Variants in VIPR2 observed in about 807,000 individuals in gnomAD.
VIPR2 encodes vasoactive intestinal peptide receptor 2.
Under a neutral mutation model 58.0 loss-of-function variants are expected in VIPR2, and 48 were observed. That is an observed-to-expected ratio of 0.83 (90% CI 0.66 to 1.05). The LOEUF is 1.05. VIPR2 is among the 50% of genes least tolerant of loss of function. The probability of loss-of-function intolerance (pLI) is 0.00; values close to 1 mark genes in which losing one functional copy is unlikely to be tolerated. For missense variants in VIPR2, 534 were observed against 558.0 expected (o/e 0.96, Z 0.43); for synonymous variants, 243 against 235.2 (o/e 1.03, Z -0.30).
intron 4 of VIPR2, among the ~76,000 whole-genome samples, chr7:159,088,136 G>T (rs999819571): frequency 6.6e-6 from 1 of 152,204 alleles, no homozygotes; most frequent in African/African-American, 2.4e-5. Flanking sequence ...AGTCAAGAAT[G>T]GTTCTTCCTC....
intron 7 of VIPR2, 127 bp from the exon 8 acceptor site, chr7:159,036,139 T>A: frequency 8.7e-7 from 1 of 1,147,010 alleles, no homozygotes; most frequent in Non-Finnish European, 1.2e-6. Context: ...ATCTCTTGTT[T>A]AAAGTCTTTG....
At chr7:159,120,623 G>A (rs1439391652) in intron 2 of VIPR2, among the ~76,000 whole-genome samples, 1 of 152,148 alleles carries the variant, frequency 6.6e-6, no homozygotes, top group Non-Finnish European at 1.5e-5. Context: ...AACATGTTCC[G>A]ACACAACACA....
At chr7:159,033,463 C>T (rs186999800) in intron 10 of VIPR2, among the ~76,000 whole-genome samples, 32 of 152,244 alleles carry the variant, frequency 2.1e-4, no homozygotes, top group African/African-American at 7.5e-4. Context: ...TTAGTTTATA[C>T]TTGAATTTTG....
chr7:159,064,413 G>A (rs563257576), intron 4 of VIPR2, among the ~76,000 whole-genome samples: 1 of 152,260 alleles, frequency 6.6e-6, no homozygotes, highest in African/African-American at 2.4e-5. Flanking sequence ...TGGAGACGGA[G>A]TGGAATTGGC....
At chr7:159,123,065 C>T (rs113725012) in intron 2 of VIPR2, among the ~76,000 whole-genome samples, 5 of 151,980 alleles carry the variant, frequency 3.3e-5, no homozygotes, top group Non-Finnish European at 5.9e-5. Flanking sequence ...GAGGCCGAGG[C>T]GGGCAGATCA....
chr7:159,138,771 C>T (rs955543295), intron 2 of VIPR2, among the ~76,000 whole-genome samples: 6 of 152,224 alleles, frequency 3.9e-5, no homozygotes, highest in Non-Finnish European at 7.3e-5. Context: ...TTGGGGCTGG[C>T]AGCAGTGAAG....
intron 2 of VIPR2, among the ~76,000 whole-genome samples, chr7:159,139,320 A>G (rs920270206): frequency 4.6e-5 from 7 of 152,104 alleles, no homozygotes; most frequent in African/African-American, 1.7e-4. Flanking sequence ...CAGCTACAAC[A>G]CAAATGCACT....
chr7:159,113,360 A>G (rs775010463), intron 2 of VIPR2, among the ~76,000 whole-genome samples: 8 of 152,204 alleles, frequency 5.3e-5, no homozygotes, highest in African/African-American at 1.7e-4. Context: ...TGCTCAATCA[A>G]TCATGACCCT....
intron 2 of VIPR2, among the ~76,000 whole-genome samples, chr7:159,130,111 TATAACAGTG>T (rs1796838622): frequency 6.6e-6 from 1 of 152,194 alleles, no homozygotes; most frequent in Non-Finnish European, 1.5e-5. Context: ...TCACAAAAAT[TATAACAGTG>T]AGAAAATGAT....
At chr7:159,133,039 G>A (rs574604357) in intron 2 of VIPR2, among the ~76,000 whole-genome samples, 2,058 of 127,938 alleles carry the variant, frequency 0.016, 220 homozygotes, top group African/African-American at 0.068. Context: ...TTCCAAAAAT[G>A]CAGCCTCCCT....
chr7:159,104,645 C>T (rs1858534797), intron 3 of VIPR2, among the ~76,000 whole-genome samples: 3 of 150,382 alleles, frequency 2.0e-5, no homozygotes, highest in African/African-American at 4.9e-5. Context: ...CCGACAGCAC[C>T]CTCCCTCCTC....
At chr7:159,081,663 C>T (rs200993858) in intron 4 of VIPR2, among the ~76,000 whole-genome samples, 13,175 of 152,068 alleles carry the variant, frequency 0.087, 631 homozygotes, top group Middle Eastern at 0.14. Context: ...AAAGAAACCA[C>T]CATCAGAGTG....
intron 5 of VIPR2, among the ~76,000 whole-genome samples, chr7:159,056,194 T>G (rs1033466661): frequency 6.6e-6 from 1 of 152,190 alleles, no homozygotes; most frequent in African/African-American, 2.4e-5. Context: ...CAGCTGTCCC[T>G]TGGTATCCAC....
At chr7:159,100,723 G>A (rs1329297382) in intron 4 of VIPR2, among the ~76,000 whole-genome samples, 5 of 152,170 alleles carry the variant, frequency 3.3e-5, no homozygotes, top group African/African-American at 2.4e-5. Flanking sequence ...CGGGTCTCAC[G>A]AGATCCGATG....
chr7:159,065,652 ACCAGGAAAATT>A (rs1856037139), intron 4 of VIPR2, among the ~76,000 whole-genome samples: 1 of 152,228 alleles, frequency 6.6e-6, no homozygotes, highest in Non-Finnish European at 1.5e-5. Flanking sequence ...CATCAGATTG[ACCAGGAAAATT>A]TTTCAACACT....
Position 159,135,004 on chromosome 7 carries a change from G to GTTTTTTTTTT in VIPR2, c.151+7432_151+7441dup, listed in dbSNP as rs747914292. Among the ~76,000 whole-genome samples the GTTTTTTTTTT allele has an allele frequency of 1.8e-3, 117 of 65,910 alleles. 4 individuals are homozygous for GTTTTTTTTTT. The highest frequency in any genetic ancestry group is 6.5e-3 in the African/African-American group (99 of 15,342). The allele number at this position is 65,910 out of a possible 152,430, so 43.2% of individuals were successfully genotyped here. A position where few individuals can be genotyped will look rare whatever the true frequency, so the allele number is the denominator to read the frequency against. On this transcript the variant is annotated intron_variant, in intron 2 of 12. Coordinates refer to ENST00000262178, the MANE Select transcript of VIPR2 (RefSeq NM_003382.5). ...TATTGGTCTTCTCTTAATTACAAAA[G>GTTTTTTTTTT]TTTTTTTTTTTTTTTTTTTTTTTTT...
At chr7:159,047,483 G>C (rs542134953) in intron 5 of VIPR2, among the ~76,000 whole-genome samples, 1 of 152,186 alleles carries the variant, frequency 6.6e-6, no homozygotes, top group African/African-American at 2.4e-5. Context: ...AAAGAATTCG[G>C]TTATATATGA....
At chr7:159,063,772 A>G (rs13312208) in intron 4 of VIPR2, among the ~76,000 whole-genome samples, 120 of 13,764 alleles carry the variant, frequency 8.7e-3, no homozygotes, top group East Asian at 0.024. Flanking sequence ...GGGGTCTGGG[A>G]GTCCAGGTGG....
In VIPR2 at chr7:159,034,199, G is replaced by A. The variant is rs1350935059; in HGVS notation, c.971+14C>T. The A allele has an allele frequency of 6.2e-7, 1 of 1,613,352 alleles. No homozygotes were observed. Among genetic ancestry groups the A allele is most frequent in the Admixed American group, 1.7e-5 (1 of 60,012 alleles). On this transcript the variant is annotated intron_variant, in intron 10 of 12. Coordinates refer to ENST00000262178, the MANE Select transcript of VIPR2 (RefSeq NM_003382.5). The stretch of plus-strand genomic sequence containing the variant: ...ATCCCCATCAGGGACGGCCAGGCCG[G>A]GACACACACTCACTTGTACTGAGAC...
Sources: allele counts gnomAD v4.1 joint callset (sites outside exome capture counted in the v4.1 genomes callset), GRCh38; gene constraint gnomAD v4.1.1; transcripts MANE v1.5; gene names NCBI Gene and HGNC (gene_info 2026-07-23, HGNC 2026-07-21).